The following GNG7 variants were observed in gnomAD, a reference collection of about 807,000 sequenced individuals.
GNG7 encodes guanine nucleotide-binding protein G(I)/G(S)/G(O) subunit gamma-7.
GNG7 carries 1 observed loss-of-function variant against 4.0 expected under a neutral mutation model. The ratio of observed to expected loss-of-function variants is 0.25; its 90% CI spans 0.09 to 1.18. The LOEUF (loss-of-function observed/expected upper bound fraction) is 1.18. Ranked by LOEUF, GNG7 falls within the 50% of genes most tolerant of loss-of-function variation. The pLI is 0.50. For missense variants in GNG7, 86 were observed against 91.9 expected (o/e 0.94, Z 0.26); for synonymous variants, 34 against 36.9 (o/e 0.92, Z 0.29).
chr19:2,674,433 GT>G (rs1008644091), intron 1 of GNG7, among the ~76,000 whole-genome samples: 15 of 132,442 alleles, frequency 1.1e-4, no homozygotes, highest in Non-Finnish European at 1.4e-4. Context: ...TTTGTTTTTT[GT>G]TTTTGTTTTG....
intron 2 of GNG7, among the ~76,000 whole-genome samples, chr19:2,637,622 T>C (rs972716039): frequency 6.6e-6 from 1 of 152,128 alleles, no homozygotes; most frequent in African/African-American, 2.4e-5. Context: ...CCCTTCAAGG[T>C]CAGCCGGCAC....
At chr19:2,537,150 C>A (rs899629775) in intron 3 of GNG7, among the ~76,000 whole-genome samples, 1 of 151,536 alleles carries the variant, frequency 6.6e-6, no homozygotes, top group African/African-American at 2.4e-5. Context: ...GGGGTTTCAC[C>A]GTGTTAGCCA....
intron 3 of GNG7, among the ~76,000 whole-genome samples, chr19:2,529,537 T>A (rs975814124): frequency 6.6e-6 from 1 of 152,182 alleles, no homozygotes. Context: ...GTTGTTGAAC[T>A]TAAAGCATGA....
intron 2 of GNG7, among the ~76,000 whole-genome samples, chr19:2,569,576 A>T (rs186881320): frequency 6.6e-6 from 1 of 152,138 alleles, no homozygotes; most frequent in Non-Finnish European, 1.5e-5. Context: ...CACCTGGCCA[A>T]TCATCTCCAT....
chr19:2,558,363 A>C (rs1344418816), intron 2 of GNG7, among the ~76,000 whole-genome samples: 1 of 151,426 alleles, frequency 6.6e-6, no homozygotes, highest in East Asian at 1.9e-4. Flanking sequence ...CAGCCTCCTG[A>C]GTAGCTGAGA....
intron 4 of GNG7, among the ~76,000 whole-genome samples, chr19:2,515,850 G>T (rs926258187): frequency 1.3e-5 from 2 of 151,996 alleles, no homozygotes; most frequent in Admixed American, 1.3e-4. Flanking sequence ...TGGGGTGATG[G>T]AATGTCCTGG....
intron 2 of GNG7, among the ~76,000 whole-genome samples, chr19:2,622,028 G>A (rs1981886562): frequency 6.6e-6 from 1 of 151,790 alleles, no homozygotes; most frequent in Non-Finnish European, 1.5e-5. Context: ...GATCACCACG[G>A]AGGAGTGAGT....
intron 2 of GNG7, chr19:2,642,989 G>A (rs759161480): frequency 6.6e-6 from 3 of 453,390 alleles, no homozygotes; most frequent in South Asian, 1.6e-5. Context: ...CAAAGTCTGC[G>A]CCCTCTCCGG....
At chr19:2,515,184 A>G (rs1260044896) in intron 4 of GNG7, 37 bp from the exon 5 acceptor site, 2 of 1,611,274 alleles carry the variant, frequency 1.2e-6, no homozygotes, top group South Asian at 2.2e-5. Context: ...GAGGAGACAT[A>G]AGAAGAGGCT....
rs185174863 is a variant in GNG7 at position 2,538,337 on chromosome 19, C to T, written c.-38+16812G>A. On this transcript the variant is annotated intron_variant, in intron 3 of 4. Transcript: ENST00000382159. ...GATGCTATCCAAAGCATGCGTCAGGCCATCAGCAGTGGTGGTGACTCATGC... is the reference window on the plus strand; with the variant it reads ...GATGCTATCCAAAGCATGCGTCAGGTCATCAGCAGTGGTGGTGACTCATGC... The T allele has an allele frequency of 1.4e-3, 620 of 453,090 alleles. 2 individuals are homozygous for T. Among genetic ancestry groups the T allele is most frequent in the Middle Eastern group, 6.4e-3 (15 of 2,340 alleles). 28.1% of individuals were successfully genotyped at this position (453,090 alleles called of 1,614,324 possible). A position where few individuals can be genotyped will look rare whatever the true frequency, so the allele number is the denominator to read the frequency against.
chr19:2,549,434 G>A (rs1035828382), intron 3 of GNG7, among the ~76,000 whole-genome samples: 2 of 151,934 alleles, frequency 1.3e-5, no homozygotes. Flanking sequence ...GAGATTACAG[G>A]CGCCCGCCAC....
chr19:2,624,875 C>T (rs1047624431), intron 2 of GNG7, among the ~76,000 whole-genome samples: 1 of 152,252 alleles, frequency 6.6e-6, no homozygotes. Context: ...CAGAATTCCA[C>T]GCTGTGGGCT....
At chr19:2,635,916 G>A (rs1477845611) in intron 2 of GNG7, among the ~76,000 whole-genome samples, 2 of 152,288 alleles carry the variant, frequency 1.3e-5, no homozygotes, top group Middle Eastern at 3.4e-3. Context: ...AAGGGACACT[G>A]AGTGATATTT....
chr19:2,576,800 C>T (rs1568250475), intron 2 of GNG7, among the ~76,000 whole-genome samples: 1 of 152,146 alleles, frequency 6.6e-6, no homozygotes, highest in Non-Finnish European at 1.5e-5. Context: ...CCTGCTGCCT[C>T]AGCCTCCTGA....
rs1981762710 is a variant in GNG7 at position 2,617,814 on chromosome 19, G to C, written c.-78+28410C>G. Among the ~76,000 whole-genome samples the C allele has an allele frequency of 6.6e-6, 1 of 151,744 alleles. No homozygotes were observed. Among genetic ancestry groups the C allele is most frequent in the Admixed American group, 6.6e-5 (1 of 15,230 alleles). ...GCTCACCGCAACCTCAGCCTCCTGG[G>C]CTCAAGTGATCCTCCTACCTCAGCC... On this transcript the variant is annotated intron_variant, in intron 2 of 4. Coordinates refer to ENST00000382159, the MANE Select transcript of GNG7 (RefSeq NM_052847.3). This position sits in a 1 kb window ranked among gnomAD's most constrained non-coding sequence, Gnocchi z 4.7.
At chr19:2,658,909 T>A (rs2144875708) in intron 1 of GNG7, among the ~76,000 whole-genome samples, 1 of 152,156 alleles carries the variant, frequency 6.6e-6, no homozygotes, top group East Asian at 1.9e-4. Flanking sequence ...CTAAAAATAG[T>A]CTATTAAAAG....
chr19:2,547,251 G>T (rs1476207061), intron 3 of GNG7, among the ~76,000 whole-genome samples: 1 of 152,028 alleles, frequency 6.6e-6, no homozygotes, highest in Admixed American at 6.6e-5. Flanking sequence ...TGCTGCACAC[G>T]ACCCATGTTT....
At chr19:2,647,692 T>G (rs1266141264) in intron 1 of GNG7, among the ~76,000 whole-genome samples, 1 of 151,968 alleles carries the variant, frequency 6.6e-6, no homozygotes, top group African/African-American at 2.4e-5. Flanking sequence ...CACTCCAGCC[T>G]AGGCAACAGA....
At chr19:2,586,941 TGCCACCGCACTCCA>T (rs977649631) in intron 2 of GNG7, among the ~76,000 whole-genome samples, 1 of 135,038 alleles carries the variant, frequency 7.4e-6, no homozygotes, top group Non-Finnish European at 1.5e-5. Context: ...GCAGAGATTG[TGCCACCGCACTCCA>T]GCCTGGGTGA....
Sources: allele counts gnomAD v4.1 joint callset (sites outside exome capture counted in the v4.1 genomes callset), GRCh38; gene constraint gnomAD v4.1.1; non-coding constraint Gnocchi (gnomAD v3.1); transcripts MANE v1.5; gene names NCBI Gene and HGNC (gene_info 2026-07-23, HGNC 2026-07-21).